Variants in ICA1 observed in about 807,000 individuals in gnomAD.
ICA1 encodes islet cell autoantigen 1.
In ICA1, 40 loss-of-function variants were observed where a neutral mutation model predicts 71.0. The ratio of observed to expected loss-of-function variants is 0.56; its 90% CI spans 0.44 to 0.73. The LOEUF (loss-of-function observed/expected upper bound fraction) is 0.73, where lower values mean the gene tolerates loss of function less well. Ranked by LOEUF, ICA1 falls within the 30% of genes least tolerant of loss-of-function variation. The probability of loss-of-function intolerance (pLI) is 0.00; values close to 1 mark genes in which losing one functional copy is unlikely to be tolerated. For missense variants in ICA1, 578 were observed against 576.5 expected, an observed-to-expected ratio of 1.00 and a Z score of -0.03; for synonymous variants, 207 against 209.5, an observed-to-expected ratio of 0.99 and a Z score of 0.10.
intron 13 of ICA1, among the ~76,000 whole-genome samples, chr7:8,125,480 GT>G (rs1330106533): frequency 6.6e-6 from 1 of 152,188 alleles, no homozygotes; most frequent in Admixed American, 6.5e-5. Context: ...CATCTTCCCA[GT>G]AAGAACCTAC....
At chr7:8,119,118 G>A (rs977147959) in intron 13 of ICA1, among the ~76,000 whole-genome samples, 2 of 152,122 alleles carry the variant, frequency 1.3e-5, no homozygotes, top group Non-Finnish European at 2.9e-5. Flanking sequence ...AATCAGAGGG[G>A]CCCACTTCAG....
intron 13 of ICA1, among the ~76,000 whole-genome samples, chr7:8,117,840 A>T (rs1322765094): frequency 1.3e-5 from 2 of 152,192 alleles, no homozygotes; most frequent in Admixed American, 1.3e-4. Flanking sequence ...AAAGTATAGG[A>T]TTTAATGCCA....
intron 3 of ICA1, among the ~76,000 whole-genome samples, chr7:8,232,226 C>T (rs575890442): frequency 6.6e-6 from 1 of 152,266 alleles, no homozygotes; most frequent in Admixed American, 6.5e-5. Context: ...GACGTTTTAC[C>T]TGAGTTCTTC....
intron 1 of ICA1, among the ~76,000 whole-genome samples, chr7:8,242,508 A>G (rs1405588204): frequency 6.6e-6 from 1 of 152,250 alleles, no homozygotes; most frequent in East Asian, 1.9e-4. Flanking sequence ...TAAAAGAACT[A>G]GAGAAGCAAG....
At chr7:8,237,100 C>T (rs1039618928) in intron 1 of ICA1, among the ~76,000 whole-genome samples, 3 of 152,190 alleles carry the variant, frequency 2.0e-5, no homozygotes, top group Non-Finnish European at 2.9e-5. Flanking sequence ...AAGAGAATTT[C>T]CAGAGTGTCA....
At chr7:8,212,742 C>T (rs952859197) in intron 6 of ICA1, among the ~76,000 whole-genome samples, 1 of 152,182 alleles carries the variant, frequency 6.6e-6, no homozygotes, top group African/African-American at 2.4e-5. Context: ...AGGTCACGCT[C>T]CTTCCTCCTC....
chr7:8,255,459 T>C (rs936425495), intron 1 of ICA1, among the ~76,000 whole-genome samples: 5 of 152,232 alleles, frequency 3.3e-5, no homozygotes, highest in African/African-American at 1.2e-4. Context: ...TATCAGTATC[T>C]GTAAGGTTCC....
chr7:8,203,793 C>A (rs937402522), intron 6 of ICA1, among the ~76,000 whole-genome samples: 2 of 152,154 alleles, frequency 1.3e-5, no homozygotes, highest in Admixed American at 6.5e-5. Context: ...TCAACAGTGA[C>A]AGGCTTTAAA....
chr7:8,261,436 G>A (rs949908906), intron 1 of ICA1, among the ~76,000 whole-genome samples: 1 of 152,182 alleles, frequency 6.6e-6, no homozygotes, highest in African/African-American at 2.4e-5. Flanking sequence ...AGCGCCCAAA[G>A]GAAACGGGCG....
chr7:8,218,729 G>A, intron 5 of ICA1: 2 of 559,276 alleles, frequency 3.6e-6, no homozygotes, highest in Non-Finnish European at 6.4e-6. Flanking sequence ...GCTACTAACT[G>A]GACCACTGGC....
At chr7:8,206,481 A>C (rs192147516) in intron 6 of ICA1, among the ~76,000 whole-genome samples, 3 of 152,312 alleles carry the variant, frequency 2.0e-5, no homozygotes, top group Non-Finnish European at 4.4e-5. Context: ...CCAATTTAAG[A>C]AACTTTTCTG....
chr7:8,150,478 T>G (rs1248076607), intron 8 of ICA1, among the ~76,000 whole-genome samples: 1 of 152,260 alleles, frequency 6.6e-6, no homozygotes, highest in Non-Finnish European at 1.5e-5. Context: ...GTATTCCTGC[T>G]TTCCTGACAG....
At position 8,158,614 on chromosome 7, in the gene ICA1, G is replaced by C. The variant is rs772473952; in HGVS notation, c.618C>G (p.Asp206Glu). 2.5e-5 allele frequency: 41 copies of C among 1,613,864 alleles called. 1 individual carries two copies. In the Middle Eastern group the frequency reaches 6.6e-4, roughly 26 times the overall value. Reference sequence around the variant, plus strand: ...TTTGACAAACATCCATCTTCAATTTGTCAAAGTTTTTTTTTGCAAGGCGCA... The same window carrying C: ...TTTGACAAACATCCATCTTCAATTTCTCAAAGTTTTTTTTTGCAAGGCGCA... ...TQVRLAKKNF[D>E]KLKMDVCQKV... Residue 206 changes from aspartate (D) to glutamate (E), a missense_variant, in exon 7 of 14, where the codon GAC (aspartate) becomes GAG (glutamate). Asp to Glu is a conservative substitution (Grantham distance 45). Transcript: ENST00000402384.
intron 2 of ICA1, among the ~76,000 whole-genome samples, chr7:8,232,990 A>G (rs1211683211): frequency 1.3e-5 from 2 of 152,224 alleles, no homozygotes; most frequent in African/African-American, 4.8e-5. Flanking sequence ...CAGGAAATAA[A>G]GAAACTAACC....
At position 8,175,196 on chromosome 7, in the gene ICA1, G is replaced by T. The variant is rs558145427; in HGVS notation, c.580-16544C>A. On this transcript the variant is annotated intron_variant, in intron 6 of 13. Coordinates refer to ENST00000402384, the MANE Select transcript of ICA1 (RefSeq NM_001136020.3). ...ATGCTTAACCTTGCTCAAGGAGGGA[G>T]CAGGGTAGAGAGATTTCAGGGACAG... is the stretch of plus-strand genomic sequence containing the variant. 8.5e-5 allele frequency among the ~76,000 whole-genome samples: 13 copies of T among 152,254 alleles called. No homozygotes were observed. The South Asian group carries it at 2.7e-3, about 32-fold the overall frequency.
chr7:8,114,888 C>T (rs1784308656), intron 13 of ICA1: 1 of 152,148 alleles, frequency 6.6e-6, no homozygotes, highest in African/African-American at 2.4e-5. Context: ...GTGGGAGTGT[C>T]AGAAACATGA....
At chr7:8,189,243 A>G (rs999837833) in intron 6 of ICA1, among the ~76,000 whole-genome samples, 3 of 152,160 alleles carry the variant, frequency 2.0e-5, no homozygotes, top group African/African-American at 4.8e-5. Flanking sequence ...CCTGAGTAAA[A>G]TGCCTCTGAA....
chr7:8,209,440 C>T (rs1792828967), intron 6 of ICA1, among the ~76,000 whole-genome samples: 1 of 152,168 alleles, frequency 6.6e-6, no homozygotes, highest in Admixed American at 6.5e-5. Context: ...TATCAAATGA[C>T]TCCTCGCTTG....
At chr7:8,167,917 G>C (rs1806698772) in intron 6 of ICA1, among the ~76,000 whole-genome samples, 2 of 152,248 alleles carry the variant, frequency 1.3e-5, no homozygotes, top group Middle Eastern at 6.8e-3. Flanking sequence ...TAAAGCATTA[G>C]GGGCAGACAA....
Sources: gnomAD v4.1 joint callset for allele counts (sites outside exome capture counted in the v4.1 genomes callset) on GRCh38, gnomAD v4.1.1 for gene constraint, MANE v1.5 for transcripts, NCBI Gene and HGNC (gene_info 2026-07-23, HGNC 2026-07-21) for gene names.